The following TENT4B variants were observed in gnomAD, a reference collection of about 807,000 sequenced individuals.
TENT4B encodes terminal nucleotidyltransferase 4B.
In TENT4B, 10 loss-of-function variants were observed where a neutral mutation model predicts 75.0. The observed-to-expected ratio is 0.13, with a 90% CI of 0.08 to 0.23. TENT4B has a LOEUF of 0.23. Ranked by LOEUF, TENT4B falls within the 10% of genes least tolerant of loss-of-function variation. The probability of loss-of-function intolerance (pLI) is 1.00; values close to 1 mark genes in which losing one functional copy is unlikely to be tolerated. For missense variants in TENT4B, 579 were observed against 893.8 expected (o/e 0.65, Z 4.49); for synonymous variants, 350 against 357.7 (o/e 0.98, Z 0.24).
chr16:50,173,987 C>T (rs925524365), intron 1 of TENT4B, among the ~76,000 whole-genome samples: 1 of 152,146 alleles, frequency 6.6e-6, no homozygotes, highest in African/African-American at 2.4e-5. Flanking sequence ...AGCCACTGCG[C>T]CTGGCTTTCA....
At chr16:50,172,026 C>G (rs1001516608) in intron 1 of TENT4B, among the ~76,000 whole-genome samples, 15 of 151,838 alleles carry the variant, frequency 9.9e-5, no homozygotes, top group African/African-American at 3.1e-4. Context: ...TGTGACAGAG[C>G]AAGACTCTGT....
At chr16:50,165,496 T>C (rs199623749) in intron 1 of TENT4B, among the ~76,000 whole-genome samples, 1 of 20,624 alleles carries the variant, frequency 4.8e-5, no homozygotes, top group Non-Finnish European at 2.6e-4. Context: ...GGTTTTCATA[T>C]ATTAGAAGGT....
chr16:50,164,910 G>A lies in TENT4B; in HGVS notation c.638+10651G>A, dbSNP rs1194234014. ...CTACCAAAAAAAAAAAATTAGCCAG[G>A]CATGGTGATGGCGTGCCCTTGAAGT... On this transcript the variant is annotated intron_variant, in intron 1 of 11. Transcript: ENST00000561678. Among the ~76,000 whole-genome samples, 3 of 151,772 alleles carry A rather than the reference G, an allele frequency of 2.0e-5. No homozygotes were observed. In the East Asian group the frequency reaches 5.8e-4, roughly 29 times the overall value.
intron 1 of TENT4B, among the ~76,000 whole-genome samples, chr16:50,199,123 T>G (rs1400513544): frequency 6.6e-6 from 1 of 152,256 alleles, no homozygotes; most frequent in Non-Finnish European, 1.5e-5. Context: ...CTTCCAGGCT[T>G]CTATTTTTAT....
intron 1 of TENT4B, among the ~76,000 whole-genome samples, chr16:50,176,941 C>T (rs2038322832): frequency 6.6e-6 from 1 of 151,684 alleles, no homozygotes; most frequent in Non-Finnish European, 1.5e-5. Context: ...TAATGCTGGC[C>T]TCATAGAATA....
intron 1 of TENT4B, among the ~76,000 whole-genome samples, chr16:50,155,938 A>C (rs917176389): frequency 2.0e-5 from 3 of 152,202 alleles, no homozygotes; most frequent in Non-Finnish European, 4.4e-5. Context: ...ATATAAGTCC[A>C]AGATGCTTAT....
intron 1 of TENT4B, among the ~76,000 whole-genome samples, chr16:50,195,609 T>C (rs1432730255): frequency 6.6e-6 from 1 of 152,208 alleles, no homozygotes; most frequent in Non-Finnish European, 1.5e-5. Context: ...TATGTCTGGC[T>C]TAGTGTACAG....
In TENT4B at chr16:50,233,190, A is replaced by G; in HGVS notation, c.*3862A>G. On this transcript the variant is annotated 3_prime_UTR_variant, in exon 12 of 12. Coordinates refer to ENST00000561678, the MANE Select transcript of TENT4B (RefSeq NM_001365324.3). Reference sequence around the variant, plus strand: ...TCATAGTTCATCTAGTAAAATATTTAGAGAATGATGTTAACATTCCAGCAT... The same window carrying G: ...TCATAGTTCATCTAGTAAAATATTTGGAGAATGATGTTAACATTCCAGCAT... 2.0e-6 allele frequency: 2 copies of G among 984,756 alleles called. No individual in the cohort carries two copies. The highest frequency in any genetic ancestry group is 2.4e-6 in the Non-Finnish European group (2 of 829,260). 61.0% of individuals were successfully genotyped at this position (984,756 alleles called of 1,614,324 possible). A position where few individuals can be genotyped will look rare whatever the true frequency, so the allele number is the denominator to read the frequency against.
rs377547594 is a variant in TENT4B at position 50,155,272 on chromosome 16, G to GGGGTGT, written c.638+1014_638+1015insGGTGTG. On this transcript the variant is annotated intron_variant, in intron 1 of 11. Transcript: ENST00000561678. The stretch of plus-strand genomic sequence containing the variant: ...TAAAACAAAGCTTTTGGGTCTCGTG[G>GGGGTGT]GTGTGTGTGTGTGTGTGTGTGTGTG... 3.1e-3 allele frequency among the ~76,000 whole-genome samples: 418 copies of GGGGTGT among 135,486 alleles called. 3 individuals carry two copies. The highest frequency in any genetic ancestry group is 8.7e-3 in the African/African-American group (314 of 35,898). 88.9% of individuals were successfully genotyped at this position (135,486 alleles called of 152,430 possible). A position where few individuals can be genotyped will look rare whatever the true frequency, so the allele number is the denominator to read the frequency against.
chr16:50,197,364 C>T (rs1357164028), intron 1 of TENT4B, among the ~76,000 whole-genome samples: 1 of 152,210 alleles, frequency 6.6e-6, no homozygotes, highest in Non-Finnish European at 1.5e-5. Context: ...GCACAGCTCA[C>T]TGCAACCTCC....
chr16:50,156,396 GTGCAGTGGCT>G (rs2037900924), intron 1 of TENT4B, among the ~76,000 whole-genome samples: 1 of 150,182 alleles, frequency 6.7e-6, no homozygotes, highest in Non-Finnish European at 1.5e-5. Context: ...CCAGGCTGGA[GTGCAGTGGCT>G]CGATCTCAGC....
chr16:50,207,750 A>AT (rs774150603), intron 1 of TENT4B, among the ~76,000 whole-genome samples: 6 of 152,226 alleles, frequency 3.9e-5, no homozygotes, highest in South Asian at 2.1e-4. Context: ...TTTCAGAGGC[A>AT]TAAAATTATA....
In TENT4B at chr16:50,211,207, A is replaced by G. The variant is rs1037478347; in HGVS notation, c.639-116A>G. On this transcript the variant is annotated intron_variant, in intron 1 of 11. Transcript: ENST00000561678. ...TTAGCTTATCTTGAGTTATAACATT[A>G]AAATTAAGGTAGTCATCAGCTGAAT... The G allele has an allele frequency of 4.9e-5, 54 of 1,093,212 alleles. No homozygotes were observed. The South Asian group carries it at 7.5e-4, about 15-fold the overall frequency. 67.7% of individuals were successfully genotyped at this position (1,093,212 alleles called of 1,614,324 possible).
intron 7 of TENT4B, 60 bp from the exon 8 acceptor site, chr16:50,224,597 A>G: frequency 6.3e-7 from 1 of 1,599,406 alleles, no homozygotes. Flanking sequence ...GAGAGTCATC[A>G]ACATTTAGTG....
chr16:50,169,576 T>G (rs2038168511), intron 1 of TENT4B, among the ~76,000 whole-genome samples: 1 of 152,168 alleles, frequency 6.6e-6, no homozygotes, highest in African/African-American at 2.4e-5. Context: ...TGTTGTTAGC[T>G]GGAATGCTTC....
At chr16:50,203,724 C>G (rs1449970107) in intron 1 of TENT4B, among the ~76,000 whole-genome samples, 1 of 152,196 alleles carries the variant, frequency 6.6e-6, no homozygotes, top group Non-Finnish European at 1.5e-5. Flanking sequence ...TAAGGAACAT[C>G]ATGTCCCTTT....
rs79341420 is a variant in TENT4B, at chr16:50,165,368, G to T, written c.638+11109G>T. Among the ~76,000 whole-genome samples the T allele has an allele frequency of 6.8e-3, 1,031 of 151,894 alleles. 10 individuals are homozygous for T. The highest frequency in any genetic ancestry group is 0.024 in the African/African-American group (987 of 41,396). ...TTTCTTTTTTATCAGCAAAATATGC[G>T]TGTAATGAAATTAGAATTAAAAGGC... On this transcript the variant is annotated intron_variant, in intron 1 of 11. Transcript: ENST00000561678.
At chr16:50,208,316 A>C (rs772501489) in intron 1 of TENT4B, among the ~76,000 whole-genome samples, 6 of 152,244 alleles carry the variant, frequency 3.9e-5, no homozygotes, top group South Asian at 2.1e-4. Flanking sequence ...TAAATCTATA[A>C]TAATTCCCCC....
intron 1 of TENT4B, among the ~76,000 whole-genome samples, 154 bp from the exon 2 acceptor site, chr16:50,211,169 G>A (rs546492965): frequency 2.0e-5 from 3 of 152,240 alleles, no homozygotes; most frequent in Admixed American, 1.3e-4. Context: ...ATTAAATTCT[G>A]TACATTCCCA....
Sources: gnomAD v4.1 joint callset for allele counts (sites outside exome capture counted in the v4.1 genomes callset) on GRCh38, gnomAD v4.1.1 for gene constraint, MANE v1.5 for transcripts, NCBI Gene and HGNC (gene_info 2026-07-23, HGNC 2026-07-21) for gene names.